SLC27A2: variants seen among roughly 807,000 people sequenced by gnomAD.
SLC27A2 encodes the protein solute carrier family 27 member 2.
A neutral mutation model predicts 60.0 loss-of-function variants in SLC27A2; 54 were observed. The observed-to-expected ratio is 0.90, with a 90% confidence interval of 0.72 to 1.13. SLC27A2 has a LOEUF of 1.13. SLC27A2 is among the 50% of genes most tolerant of loss of function. The probability of loss-of-function intolerance (pLI) is 0.00; values close to 1 mark genes in which losing one functional copy is unlikely to be tolerated. For missense variants in SLC27A2, 739 were observed against 777.6 expected (o/e 0.95, Z 0.59); for synonymous variants, 297 against 297.6 (o/e 1.00, Z 0.02).
Position 50,227,031 on chromosome 15 carries a change from G to A in SLC27A2, c.1310G>A (p.Gly437Asp), listed in dbSNP as rs765132607. ...CKITQLTPFN[G>D]YAGAKAQTEK... Reference sequence around the variant, plus strand: ...ATCACACAACTTACACCATTTAATGGCTATGCTGGAGCAAAGGCTCAGACA... The same window carrying A: ...ATCACACAACTTACACCATTTAATGACTATGCTGGAGCAAAGGCTCAGACA... The change falls in exon 7 of 10, where the codon GGC becomes GAC. Residue 437 changes from glycine to aspartate, a missense_variant. Gly to Asp is a moderately conservative substitution (Grantham distance 94). Transcript: ENST00000267842. 2 of 1,614,180 alleles carry A rather than the reference G, an allele frequency of 1.2e-6. No homozygotes were observed. Among genetic ancestry groups the A allele is most frequent in the South Asian group, 2.2e-5 (2 of 91,072 alleles).
In SLC27A2 at chr15:50,234,174, G is replaced by A. The variant is rs191379091; in HGVS notation, c.1686+176G>A. Among the ~76,000 whole-genome samples the A allele has an allele frequency of 2.6e-4, 39 of 152,280 alleles. No individual in the cohort carries two copies. The East Asian group carries it at 6.4e-3, about 25-fold the overall frequency. ...GAAGTGGTAATATCAGGCTGGGTGC[G>A]GTGGCTCATGCCTGTAATCCCAGCA... On this transcript the variant is annotated intron_variant, in intron 9 of 9. Transcript: ENST00000267842.
intron 1 of SLC27A2, among the ~76,000 whole-genome samples, chr15:50,191,905 C>T (rs2044977085): frequency 6.6e-6 from 1 of 151,874 alleles, no homozygotes; most frequent in African/African-American, 2.4e-5. Context: ...ACTAAAAATA[C>T]AAACATTAGC....
At chr15:50,202,269 G>C (rs1317801146) in intron 2 of SLC27A2, among the ~76,000 whole-genome samples, 1 of 152,200 alleles carries the variant, frequency 6.6e-6, no homozygotes, top group African/African-American at 2.4e-5. Context: ...GCAGAGTTCA[G>C]TTGTTGCAAC....
intron 4 of SLC27A2, among the ~76,000 whole-genome samples, chr15:50,211,962 T>C (rs1275236068): frequency 6.7e-6 from 1 of 149,486 alleles, no homozygotes; most frequent in Non-Finnish European, 1.5e-5. Flanking sequence ...TCCCAGCTAC[T>C]CGGGAGGCTG....
At chr15:50,226,946 G>C in intron 6 of SLC27A2, 34 bp from the exon 7 acceptor site, 1 of 1,577,790 alleles carries the variant, frequency 6.3e-7, no homozygotes, top group Non-Finnish European at 8.7e-7. Context: ...TTGACCTCTA[G>C]CACATAAAAT....
chr15:50,231,654 T>G (rs1267125518), intron 8 of SLC27A2, among the ~76,000 whole-genome samples: 2 of 152,174 alleles, frequency 1.3e-5, no homozygotes, highest in South Asian at 2.1e-4. Context: ...GGACTCAGAA[T>G]CTGCATGTCT....
At chr15:50,210,715 A>G (rs543203328) in intron 4 of SLC27A2, among the ~76,000 whole-genome samples, 1 of 152,332 alleles carries the variant, frequency 6.6e-6, no homozygotes, top group Non-Finnish European at 1.5e-5. Flanking sequence ...TTTCTTTAAC[A>G]GCTGGGAGGC....
At position 50,229,044 on chromosome 15, in the gene SLC27A2, T is replaced by C; in HGVS notation, c.1555+2T>C. On this transcript the variant is annotated splice_donor_variant, in intron 8 of 9. Coordinates refer to ENST00000267842, the MANE Select transcript of SLC27A2 (RefSeq NM_003645.4). LOFTEE classifies it high-confidence loss of function. ...ATGTTTATGGAGTGCATGTGCCAGG[T>C]ATATACAAGATATGATCTGTACCTA... 6.3e-7 allele frequency: 1 copy of C among 1,590,190 alleles called. No homozygotes were observed. Among genetic ancestry groups the C allele is most frequent in the Non-Finnish European group, 8.6e-7 (1 of 1,163,840 alleles).
At chr15:50,188,326 A>G (rs537948518) in intron 1 of SLC27A2, among the ~76,000 whole-genome samples, 24 of 152,230 alleles carry the variant, frequency 1.6e-4, no homozygotes, top group Admixed American at 3.9e-4. Flanking sequence ...TTGCGATGTA[A>G]GAACAATGGC....
intron 7 of SLC27A2, among the ~76,000 whole-genome samples, chr15:50,227,444 C>G (rs2045286522): frequency 6.6e-6 from 1 of 152,202 alleles, no homozygotes; most frequent in Non-Finnish European, 1.5e-5. Context: ...ACATTTAACT[C>G]CTCTTGTTTC....
At chr15:50,204,154 AC>A (rs2045088946) in intron 3 of SLC27A2, among the ~76,000 whole-genome samples, 1 of 152,220 alleles carries the variant, frequency 6.6e-6, no homozygotes, top group Non-Finnish European at 1.5e-5. Context: ...TGTTTTATGC[AC>A]AAAGTTATTT....
At chr15:50,231,414 G>A (rs1401340346) in intron 8 of SLC27A2, among the ~76,000 whole-genome samples, 2 of 152,058 alleles carry the variant, frequency 1.3e-5, no homozygotes, top group Non-Finnish European at 2.9e-5. Flanking sequence ...GCCTCCCAAA[G>A]TGCTGGGATT....
intron 1 of SLC27A2, among the ~76,000 whole-genome samples, chr15:50,183,411 G>T (rs765697224): frequency 1.3e-5 from 2 of 152,138 alleles, no homozygotes; most frequent in Non-Finnish European, 2.9e-5. Flanking sequence ...CTCTAATGAG[G>T]CAGGCTTCAA....
intron 4 of SLC27A2, among the ~76,000 whole-genome samples, chr15:50,209,630 A>G (rs1237869999): frequency 1.3e-5 from 2 of 152,192 alleles, no homozygotes; most frequent in African/African-American, 4.8e-5. Context: ...AGGGCCTTAC[A>G]TGGAAGAGCA....
At chr15:50,219,252 G>A (rs2045226055) in intron 4 of SLC27A2, among the ~76,000 whole-genome samples, 1 of 152,160 alleles carries the variant, frequency 6.6e-6, no homozygotes, top group African/African-American at 2.4e-5. Context: ...TTAGAAATAT[G>A]CAGATAGCAA....
chr15:50,206,139 T>C (rs1344743519), intron 4 of SLC27A2, among the ~76,000 whole-genome samples: 4 of 152,252 alleles, frequency 2.6e-5, no homozygotes, highest in Middle Eastern at 3.4e-3. Context: ...TTTTAATTCT[T>C]TGCCGCGCGG....
intron 9 of SLC27A2, 115 bp from the exon 10 acceptor site, chr15:50,235,805 T>C: frequency 1.5e-6 from 1 of 678,330 alleles, no homozygotes; most frequent in African/African-American, 1.8e-5. Context: ...AGCTCTCACA[T>C]GAGCCAGGGA....
chr15:50,205,505 C>G, intron 4 of SLC27A2, 142 bp downstream of exon 4: 2 of 696,702 alleles, frequency 2.9e-6, no homozygotes, highest in Non-Finnish European at 4.5e-6. Flanking sequence ...GTACTTGGCA[C>G]TATACCTACC....
At chr15:50,229,306 C>G (rs1285796418) in intron 8 of SLC27A2, among the ~76,000 whole-genome samples, 1 of 152,200 alleles carries the variant, frequency 6.6e-6, no homozygotes, top group Non-Finnish European at 1.5e-5. Flanking sequence ...GAGCTCCATG[C>G]CACATTTGGC....
Sources: allele counts gnomAD v4.1 joint callset (sites outside exome capture counted in the v4.1 genomes callset), GRCh38; gene constraint gnomAD v4.1.1; transcripts MANE v1.5; gene names NCBI Gene and HGNC (gene_info 2026-07-23, HGNC 2026-07-21).